Variants in FUCA2 observed in about 807,000 individuals in gnomAD.
FUCA2 encodes alpha-L-fucosidase 2.
A neutral mutation model predicts 52.6 loss-of-function variants in FUCA2; 41 were observed. The observed-to-expected ratio is 0.78, with a 90% CI of 0.61 to 1.01. The LOEUF is 1.01. Among genes scored for constraint, FUCA2 ranks in the 50% least tolerant of loss-of-function variants. FUCA2 has a pLI of 0.00. For missense variants in FUCA2, 507 were observed against 569.5 expected, an observed-to-expected ratio of 0.89 and a Z score of 1.12; for synonymous variants, 211 against 217.3, an observed-to-expected ratio of 0.97 and a Z score of 0.26.
chr6:143,504,161 G>A lies in FUCA2; in HGVS notation c.504C>T (p.Ala168=), dbSNP rs768854654. The change falls in exon 3 of 7, where the codon GCC becomes GCT. Residue 168 remains alanine, a synonymous_variant. Coordinates refer to ENST00000002165, the MANE Select transcript of FUCA2 (RefSeq NM_032020.5). The surrounding 1 kb of genome is among the most constrained non-coding windows in gnomAD (Gnocchi z 4.4). ...KRDIVKELEV[A]IRNRTDLRFG... ...AACGCAGGTCAGTTCTGTTCCTAAT[G>A]GCTACCTCAAGTTCCTTGACAATGT... 2 of 1,614,134 alleles carry A rather than the reference G, an allele frequency of 1.2e-6. No individual in the cohort carries two copies. Among genetic ancestry groups the A allele is most frequent in the Non-Finnish European group, 1.7e-6 (2 of 1,180,012 alleles).
rs1780670526 is a variant in FUCA2 at position 143,510,654 on chromosome 6, AG to A, written c.224+756del. On this transcript the variant is annotated intron_variant, in intron 1 of 6. Transcript: ENST00000002165. The surrounding 1 kb of genome is among the most constrained non-coding windows in gnomAD (Gnocchi z 4.4). ...ACTATGTCTCAAAAAAAAAAAAAAA[AG>A]AATATATTATGTGTATGTTTCTATA... 6.6e-6 allele frequency among the ~76,000 whole-genome samples: 1 copy of A among 151,764 alleles called. No individual in the cohort carries two copies. The highest frequency in any genetic ancestry group is 2.4e-5 in the African/African-American group (1 of 41,190).
chr6:143,508,651 C>T (rs995832300), intron 1 of FUCA2, among the ~76,000 whole-genome samples: 2 of 152,188 alleles, frequency 1.3e-5, no homozygotes, highest in Non-Finnish European at 2.9e-5. Context: ...TGAAAAGAGA[C>T]ACTGGCCTTC....
rs949617970 is a variant in FUCA2, at chr6:143,497,219, C to G, written c.1263+170G>C. The G allele has an allele frequency of 3.5e-6, 2 of 576,770 alleles. No individual in the cohort carries two copies. The highest frequency in any genetic ancestry group is 6.2e-6 in the Non-Finnish European group (2 of 321,564). 35.7% of individuals were successfully genotyped at this position (576,770 alleles called of 1,614,324 possible). On this transcript the variant is annotated intron_variant, in intron 6 of 6. Coordinates refer to ENST00000002165, the MANE Select transcript of FUCA2 (RefSeq NM_032020.5). This position sits in a 1 kb window ranked among gnomAD's most constrained non-coding sequence, Gnocchi z 5.3. ...TCAAGACATCCTCCTGCCTTAGCCT[C>G]CCAAAGTGCTGGAATTACAGTGTGA...
Position 143,502,425 on chromosome 6 carries a change from T to C in FUCA2, c.893A>G (p.Asp298Gly). 6.2e-7 allele frequency: 1 copy of C among 1,614,126 alleles called. No homozygotes were observed. The highest frequency in any genetic ancestry group is 8.5e-7 in the Non-Finnish European group (1 of 1,179,998). Residue 298 changes from aspartate (D) to glycine (G), a missense_variant, in exon 4 of 7, where the codon GAC becomes GGC. Physicochemically the swap from Asp to Gly is moderately conservative, Grantham distance 94. Transcript: ENST00000002165. This position sits in a 1 kb window ranked among gnomAD's most constrained non-coding sequence, Gnocchi z 4.1. The stretch of plus-strand genomic sequence containing the variant: ...CCTCCTATAGCCCCAGGACAGTTTG[T>C]CTATTGTCATGCAGTTTTCCCATTT... The part of the protein sequence containing the change: ...PHKWENCMTI[D>G]KLSWGYRREA...
chr6:143,505,809 G>C (rs115074851), intron 2 of FUCA2: 1 of 152,090 alleles, frequency 6.6e-6, no homozygotes, highest in African/African-American at 2.4e-5. Flanking sequence ...ACACTGCGAC[G>C]TTCCTTCCTG....
intron 5 of FUCA2, among the ~76,000 whole-genome samples, chr6:143,498,678 T>C (rs1780495716): frequency 6.6e-6 from 1 of 152,082 alleles, no homozygotes; most frequent in South Asian, 2.1e-4. Flanking sequence ...TTATAGGCCC[T>C]TGTAAGCATC....
Position 143,495,774 on chromosome 6 carries a change from G to A in FUCA2, c.1337C>T (p.Pro446Leu). 1 of 1,614,070 alleles carries A rather than the reference G, an allele frequency of 6.2e-7. No homozygotes were observed. Among genetic ancestry groups the A allele is most frequent in the Admixed American group, 1.7e-5 (1 of 60,010 alleles). Residue 446 changes from proline to leucine, a missense_variant, in exon 7 of 7, where the codon CCA becomes CTA. Coordinates refer to ENST00000002165, the MANE Select transcript of FUCA2 (RefSeq NM_032020.5). This position sits in a 1 kb window ranked among gnomAD's most constrained non-coding sequence, Gnocchi z 5.2. ...CGGCATCTGATGAATGGTTAGCTGT[G>A]GCAGTTCTACCATAATGCCATTTTG... The part of the protein sequence containing the change: ...LEQNGIMVEL[P>L]QLTIHQMPCK...
chr6:143,510,545 G>A lies in FUCA2; in HGVS notation c.224+866C>T, dbSNP rs1011520108. Among the ~76,000 whole-genome samples, 4 of 151,692 alleles carry A rather than the reference G, an allele frequency of 2.6e-5. No homozygotes were observed. The highest frequency in any genetic ancestry group is 6.6e-5 in the Admixed American group (1 of 15,224). On this transcript the variant is annotated intron_variant, in intron 1 of 6. Coordinates refer to ENST00000002165, the MANE Select transcript of FUCA2 (RefSeq NM_032020.5). The surrounding 1 kb of genome is among the most constrained non-coding windows in gnomAD (Gnocchi z 4.4). ...TCCCAGCTACTCAGGAGGCTAAGGC[G>A]CGAGAATCGTTTGAACCCGGGCGGC...
Position 143,503,056 on chromosome 6 carries a change from TATC to T in FUCA2, c.753-494_753-492del, listed in dbSNP as rs1780552166. ...AAATCTCAGAAAATTTGACTGTTGA[TATC>T]ATGTGAAATATCCCCACAATATTGC... On this transcript the variant is annotated intron_variant, in intron 3 of 6. Coordinates refer to ENST00000002165, the MANE Select transcript of FUCA2 (RefSeq NM_032020.5). The surrounding 1 kb of genome is among the most constrained non-coding windows in gnomAD (Gnocchi z 4.8). The T allele has an allele frequency of 6.4e-6, 1 of 155,150 alleles. No individual in the cohort carries two copies. The highest frequency in any genetic ancestry group is 1.4e-5 in the Non-Finnish European group (1 of 69,882). The allele number at this position is 155,150 out of a possible 1,614,324, so 9.6% of individuals were successfully genotyped here.
Position 143,502,031 on chromosome 6 carries a change from C to T in FUCA2, c.1055G>A (p.Arg352Gln), listed in dbSNP as rs757501264. The change falls in exon 5 of 7, where the codon CGA (arginine) becomes CAA (glutamine). Residue 352 changes from arginine to glutamine, a missense_variant. By Grantham distance (43) the Arg-to-Gln change is conservative (BLOSUM62 1). Coordinates refer to ENST00000002165, the MANE Select transcript of FUCA2 (RefSeq NM_032020.5). This position sits in a 1 kb window ranked among gnomAD's most constrained non-coding sequence, Gnocchi z 4.1. ...TAGCCAGGACCCCATTTGCCTCAGT[C>T]GCTCCTCAAAAACTACAGAAATGGT... ...DGTISVVFEE[R>Q]LRQMGSWLKV... 5.0e-6 allele frequency: 8 copies of T among 1,613,704 alleles called. No homozygotes were observed. The highest frequency in any genetic ancestry group is 2.2e-5 in the East Asian group (1 of 44,868).
chr6:143,507,221 G>T lies in FUCA2; in HGVS notation c.412+16C>A. On this transcript the variant is annotated intron_variant, in intron 2 of 6. Transcript: ENST00000002165. The surrounding 1 kb of genome is among the most constrained non-coding windows in gnomAD (Gnocchi z 4.5). Reference sequence around the variant, plus strand: ...TTAACCATTGTCAGCAATTTCCATAGGCTGGATTGACTTACCTTCATGATG... The same window carrying T: ...TTAACCATTGTCAGCAATTTCCATATGCTGGATTGACTTACCTTCATGATG... 1 of 1,563,620 alleles carries T rather than the reference G, an allele frequency of 6.4e-7. No homozygotes were observed. Among genetic ancestry groups the T allele is most frequent in the East Asian group, 2.4e-5 (1 of 42,546 alleles).
In FUCA2 at chr6:143,497,491, T is replaced by C. The variant is rs781523105; in HGVS notation, c.1161A>G (p.Thr387=). The C allele has an allele frequency of 6.3e-7, 1 of 1,597,890 alleles. No individual in the cohort carries two copies. Among genetic ancestry groups the C allele is most frequent in the South Asian group, 1.1e-5 (1 of 90,548 alleles). The change falls in exon 6 of 7, where the codon ACA becomes ACG. Residue 387 remains threonine, a synonymous_variant. Coordinates refer to ENST00000002165, the MANE Select transcript of FUCA2 (RefSeq NM_032020.5). The surrounding 1 kb of genome is among the most constrained non-coding windows in gnomAD (Gnocchi z 5.3). ...AGACTAATTTTTCTTTAGGCTTGGA[T>C]GTGTACCTGGTTAAAAGAAAAAAAT... ...NDTVTPDVWY[T]SKPKEKLVYA...
rs563840514 is a variant in FUCA2 at position 143,497,839 on chromosome 6, C to A, written c.1155-342G>T. On this transcript the variant is annotated intron_variant, in intron 5 of 6. Coordinates refer to ENST00000002165, the MANE Select transcript of FUCA2 (RefSeq NM_032020.5). This position sits in a 1 kb window ranked among gnomAD's most constrained non-coding sequence, Gnocchi z 5.3. ...ATTCAAATTTTTATATTCATTCATT[C>A]ATTCAACAAGACAAGATATGCATGT... 1.2e-3 allele frequency among the ~76,000 whole-genome samples: 185 copies of A among 152,288 alleles called. 1 individual carries two copies. The highest frequency in any genetic ancestry group is 4.2e-3 in the African/African-American group (174 of 41,574).
In FUCA2 at chr6:143,511,188, C is replaced by G. The variant is rs1042254306; in HGVS notation, c.224+223G>C. Reference sequence around the variant, plus strand: ...AGTCAGGAGTATCTGAAAACTCTTACAGTCACACGGAAGAAAAATTCCCTG... The same window carrying G: ...AGTCAGGAGTATCTGAAAACTCTTAGAGTCACACGGAAGAAAAATTCCCTG... On this transcript the variant is annotated intron_variant, in intron 1 of 6. Transcript: ENST00000002165. The surrounding 1 kb of genome is among the most constrained non-coding windows in gnomAD (Gnocchi z 6.3). 2.6e-5 allele frequency among the ~76,000 whole-genome samples: 4 copies of G among 152,190 alleles called. No homozygotes were observed. The highest frequency in any genetic ancestry group is 5.9e-5 in the Non-Finnish European group (4 of 68,036).
Position 143,502,356 on chromosome 6 carries a change from T to C in FUCA2, c.962A>G (p.Lys321Arg), listed in dbSNP as rs998199367. 3.7e-6 allele frequency: 6 copies of C among 1,613,318 alleles called. No individual in the cohort carries two copies. The African/African-American group carries it at 8.0e-5, about 22-fold the overall frequency. The change falls in exon 4 of 7, where the codon AAG (lysine) becomes AGG (arginine). Residue 321 changes from lysine to arginine, a missense_variant and splice_region_variant. By Grantham distance (26) the Lys-to-Arg change is conservative. Transcript: ENST00000002165. This position sits in a 1 kb window ranked among gnomAD's most constrained non-coding sequence, Gnocchi z 4.1. ...SDYLTIEELV[K>R]QLVETVSCGG... ...TAGCCACCAGACATTTCACTGTACC[T>C]TCACCAATTCTTCAATTGTAAGATA...
At position 143,511,687 on chromosome 6, in the gene FUCA2, G is replaced by T. The variant is rs1297975001; in HGVS notation, c.-53C>A. 1 of 1,400,486 alleles carries T rather than the reference G, an allele frequency of 7.1e-7. No individual in the cohort carries two copies. Among genetic ancestry groups the T allele is most frequent in the Non-Finnish European group, 9.4e-7 (1 of 1,068,686 alleles). 86.8% of individuals were successfully genotyped at this position (1,400,486 alleles called of 1,614,324 possible). On this transcript the variant is annotated 5_prime_UTR_variant, in exon 1 of 7. Transcript: ENST00000002165. This position sits in a 1 kb window ranked among gnomAD's most constrained non-coding sequence, Gnocchi z 6.3. ...TGCAGGCTCCCGCGGCCTCGGGAGC[G>T]CTGTTCTTCCGTCTCTGCCGCTGAG...
At chr6:143,508,258 G>A (rs1780636454) in intron 1 of FUCA2, among the ~76,000 whole-genome samples, 1 of 152,178 alleles carries the variant, frequency 6.6e-6, no homozygotes, top group South Asian at 2.1e-4. Context: ...CCTAAACTGC[G>A]TAAGCAAGAC....
In FUCA2 at chr6:143,509,863, T is replaced by C. The variant is rs1353211016; in HGVS notation, c.224+1548A>G. Among the ~76,000 whole-genome samples, 1 of 152,236 alleles carries C rather than the reference T, an allele frequency of 6.6e-6. No individual in the cohort carries two copies. Among genetic ancestry groups the C allele is most frequent in the Non-Finnish European group, 1.5e-5 (1 of 68,044 alleles). ...AATAAGAAAGGTTACTGGTTGCAGG[T>C]AGTCAATTTCTTTGTCATGAAAGGG... On this transcript the variant is annotated intron_variant, in intron 1 of 6. Transcript: ENST00000002165. This position sits in a 1 kb window ranked among gnomAD's most constrained non-coding sequence, Gnocchi z 5.4.
Position 143,504,018 on chromosome 6 carries a change from A to G in FUCA2, c.647T>C (p.Leu216Ser), listed in dbSNP as rs115757372. 1.9e-5 allele frequency: 30 copies of G among 1,614,180 alleles called. 1 individual carries two copies. The East Asian group carries it at 6.5e-4, about 35-fold the overall frequency. ...AACCTCAGGCTGATAGTTGTTCACT[A>G]ACTCATAGAGCTCTGGCAATGTCTT... The part of the protein sequence containing the change: ...VSKTLPELYE[L>S]VNNYQPEVLW... The change falls in exon 3 of 7, where the codon TTA (leucine) becomes TCA (serine). Residue 216 changes from leucine (L) to serine (S), a missense_variant. By Grantham distance (145) the Leu-to-Ser change is moderately radical (BLOSUM62 -2). Coordinates refer to ENST00000002165, the MANE Select transcript of FUCA2 (RefSeq NM_032020.5). This position sits in a 1 kb window ranked among gnomAD's most constrained non-coding sequence, Gnocchi z 4.4.
Sources: gnomAD v4.1 joint callset for allele counts (sites outside exome capture counted in the v4.1 genomes callset) on GRCh38, gnomAD v4.1.1 for gene constraint, Gnocchi (gnomAD v3.1) non-coding constraint, MANE v1.5 for transcripts, NCBI Gene and HGNC (gene_info 2026-07-23, HGNC 2026-07-21) for gene names.